The following TDP2 variants were observed in gnomAD, a reference collection of about 807,000 sequenced individuals.
TDP2 encodes the protein 5'-Tyr-DNA phosphodiesterase.
Under a neutral mutation model 42.8 loss-of-function variants are expected in TDP2, and 38 were observed. The ratio of observed to expected loss-of-function variants is 0.89; its 90% CI spans 0.68 to 1.16. TDP2 has a LOEUF of 1.16. Ranked by LOEUF, TDP2 falls within the 50% of genes most tolerant of loss-of-function variation. The pLI is 0.00. For missense variants in TDP2, 439 were observed against 439.3 expected (o/e 1.00, Z 0.01); for synonymous variants, 173 against 150.6 (o/e 1.15, Z -1.09).
intron 4 of TDP2, among the ~76,000 whole-genome samples, chr6:24,656,731 TA>T (rs922943036): frequency 2.6e-5 from 4 of 152,156 alleles, no homozygotes; most frequent in Admixed American, 6.5e-5. Context: ...GGAAAACATC[TA>T]TTTACCCAGA....
intron 5 of TDP2, 65 bp from the exon 6 acceptor site, chr6:24,653,218 A>T (rs1480842147): frequency 6.7e-7 from 1 of 1,497,452 alleles, no homozygotes; most frequent in African/African-American, 1.4e-5. Context: ...TTAATAATAA[A>T]ATCAGCAGAT....
rs1777998423 is a variant in TDP2, at chr6:24,653,036, G to A, written c.754C>T (p.Pro252Ser). 1.2e-6 allele frequency: 2 copies of A among 1,613,878 alleles called. No individual in the cohort carries two copies. The highest frequency in any genetic ancestry group is 1.3e-5 in the African/African-American group (1 of 74,880). ...GCAAATATAACTGTAGCTGACTCTGGAGCCTCTTGCATTTTCTTTAAAACC... is the reference window on the plus strand; with the variant it reads ...GCAAATATAACTGTAGCTGACTCTGAAGCCTCTTGCATTTTCTTTAAAACC... ...KMVLKKMQEA[P>S]ESATVIFAGD... Residue 252 changes from proline to serine, a missense_variant, in exon 6 of 7, where the codon CCA becomes TCA. Pro to Ser is a moderately conservative substitution (Grantham distance 74, BLOSUM62 -1). Coordinates refer to ENST00000378198, the MANE Select transcript of TDP2 (RefSeq NM_016614.3).
intron 2 of TDP2, among the ~76,000 whole-genome samples, chr6:24,665,080 G>C (rs1267223586): frequency 6.6e-6 from 1 of 152,188 alleles, no homozygotes; most frequent in African/African-American, 2.4e-5. Context: ...ATGTCACAGA[G>C]CCTGGTACAG....
At chr6:24,658,804 G>C in intron 2 of TDP2, 70 bp from the exon 3 acceptor site, 1 of 1,485,244 alleles carries the variant, frequency 6.7e-7, no homozygotes, top group Non-Finnish European at 9.1e-7. Context: ...TTTTGTATTT[G>C]TAGCCCTCAT....
chr6:24,653,337 C>T (rs17249729), intron 5 of TDP2, among the ~76,000 whole-genome samples, 184 bp from the exon 6 acceptor site: 3,891 of 152,286 alleles, frequency 0.026, 63 homozygotes, highest in Non-Finnish European at 0.037. Context: ...TCCCCAAAGA[C>T]GACGGTTTAG....
chr6:24,660,760 TTTAA>T (rs771786587), intron 2 of TDP2, among the ~76,000 whole-genome samples: 7 of 152,232 alleles, frequency 4.6e-5, no homozygotes, highest in Admixed American at 1.3e-4. Context: ...GCATGTCTCT[TTTAA>T]TTTTCTTCAA....
chr6:24,652,359 T>G (rs890777672), intron 6 of TDP2, among the ~76,000 whole-genome samples: 3 of 152,336 alleles, frequency 2.0e-5, no homozygotes, highest in African/African-American at 7.2e-5. Context: ...AAATCCCTGC[T>G]TTCACTTCTT....
At chr6:24,660,957 C>A (rs1194686989) in intron 2 of TDP2, among the ~76,000 whole-genome samples, 1 of 152,192 alleles carries the variant, frequency 6.6e-6, no homozygotes, top group African/African-American at 2.4e-5. Flanking sequence ...TGCACCATAT[C>A]AAGCATCTGA....
In TDP2 at chr6:24,665,757, A is replaced by G. The variant is rs762453719; in HGVS notation, c.251+769T>C. Among the ~76,000 whole-genome samples, 42 of 152,340 alleles carry G rather than the reference A, an allele frequency of 2.8e-4. 1 individual carries two copies. The highest frequency in any genetic ancestry group is 1.3e-3 in the East Asian group (7 of 5,192). Reference sequence around the variant, plus strand: ...TGTAACAGGGGTCATGCAGGATGCTATAAGAGTACCTAAAAGGGGACTCTT... The same window carrying G: ...TGTAACAGGGGTCATGCAGGATGCTGTAAGAGTACCTAAAAGGGGACTCTT... On this transcript the variant is annotated intron_variant, in intron 2 of 6. Transcript: ENST00000378198.
At chr6:24,658,765 C>T in intron 2 of TDP2, 31 bp from the exon 3 acceptor site, 1 of 1,575,916 alleles carries the variant, frequency 6.3e-7, no homozygotes, top group South Asian at 1.2e-5. Context: ...CATGGCTTTG[C>T]AAATAATCTA....
intron 2 of TDP2, among the ~76,000 whole-genome samples, chr6:24,659,985 A>G (rs1245027830): frequency 1.3e-5 from 2 of 152,180 alleles, no homozygotes; most frequent in Admixed American, 6.5e-5. Flanking sequence ...TGCTCCCCCA[A>G]CCAATACCCC....
At chr6:24,664,399 GT>G (rs200526601) in intron 2 of TDP2, among the ~76,000 whole-genome samples, 7 of 147,654 alleles carry the variant, frequency 4.7e-5, no homozygotes, top group African/African-American at 5.0e-5. Flanking sequence ...AGAATCTCTG[GT>G]TTTTTTTTTA....
chr6:24,663,348 G>C (rs549344211), intron 2 of TDP2, among the ~76,000 whole-genome samples: 3 of 152,290 alleles, frequency 2.0e-5, no homozygotes, highest in South Asian at 4.1e-4. Flanking sequence ...AATTGAGGCA[G>C]AGAGAAGTTA....
At chr6:24,651,169 A>C (rs1777969419) in intron 6 of TDP2, 100 bp from the exon 7 acceptor site, 2 of 923,202 alleles carry the variant, frequency 2.2e-6, no homozygotes, top group Middle Eastern at 3.3e-4. Context: ...CGTGCAAGAA[A>C]TTATTAATGC....
rs1562147316 is a variant in TDP2, at chr6:24,654,509, G to A, written c.539C>T (p.Thr180Ile). 1.3e-6 allele frequency: 2 copies of A among 1,553,538 alleles called. No individual in the cohort carries two copies. Among genetic ancestry groups the A allele is most frequent in the East Asian group, 2.3e-5 (1 of 44,180 alleles). ...IITGHEEGYF[T>I]AIMLKKSRVK... ...TCTTGATTTCTTCAACATTATAGCTGTGAAATATCCTTCTTCATGACCTAC... is the reference window on the plus strand; with the variant it reads ...TCTTGATTTCTTCAACATTATAGCTATGAAATATCCTTCTTCATGACCTAC... The change falls in exon 5 of 7, where the codon ACA becomes ATA. Residue 180 changes from threonine to isoleucine, a missense_variant. By Grantham distance (89) the Thr-to-Ile change is moderately conservative (BLOSUM62 -1). Transcript: ENST00000378198.
chr6:24,664,894 A>T (rs1047491663), intron 2 of TDP2, among the ~76,000 whole-genome samples: 1 of 152,202 alleles, frequency 6.6e-6, no homozygotes, highest in African/African-American at 2.4e-5. Context: ...GGGGTAAGAG[A>T]ATCCTAATAG....
At chr6:24,651,113 G>A (rs759190297) in intron 6 of TDP2, 44 bp from the exon 7 acceptor site, 8 of 1,329,044 alleles carry the variant, frequency 6.0e-6, no homozygotes, top group Non-Finnish European at 6.9e-6. Flanking sequence ...ATAGCCTTTT[G>A]CCCACTAACT....
intron 5 of TDP2, among the ~76,000 whole-genome samples, chr6:24,653,956 C>T (rs545708889): frequency 1.3e-5 from 2 of 152,302 alleles, no homozygotes; most frequent in Non-Finnish European, 2.9e-5. Context: ...AACAATCTGG[C>T]TAAAAGTCAT....
chr6:24,659,666 GT>G (rs1383229513), intron 2 of TDP2, among the ~76,000 whole-genome samples: 1 of 152,174 alleles, frequency 6.6e-6, no homozygotes, highest in Non-Finnish European at 1.5e-5. Flanking sequence ...AAAATCATAT[GT>G]TAAATAAGAT....
Sources: allele counts gnomAD v4.1 joint callset (sites outside exome capture counted in the v4.1 genomes callset), GRCh38; gene constraint gnomAD v4.1.1; transcripts MANE v1.5; gene names NCBI Gene and HGNC (gene_info 2026-07-23, HGNC 2026-07-21).